Variants in ATRNL1 observed in about 807,000 individuals in gnomAD.
The protein encoded by ATRNL1 is attractin-like protein 1.
ATRNL1 carries 95 observed loss-of-function variants against 182.7 expected under a neutral mutation model. The observed-to-expected ratio is 0.52, with a 90% CI of 0.44 to 0.62. The LOEUF is 0.62. ATRNL1 is among the 20% of genes least tolerant of loss of function. ATRNL1 has a pLI of 0.00. For synonymous variants in ATRNL1, 576 were observed against 568.3 expected, an observed-to-expected ratio of 1.01 and a Z score of -0.19; for missense variants, 1,471 against 1,679.5, an observed-to-expected ratio of 0.88 and a Z score of 2.17.
chr10:115,215,721 A>C lies in ATRNL1; in HGVS notation c.1373A>C (p.Glu458Ala). Reference protein sequence around the residue: ...HISSNTWLVPETKGAIVQGGY... With the variant: ...HISSNTWLVPATKGAIVQGGY... Reference sequence around the variant, plus strand: ...GCATCAAACACTTGGCTTGTTCCAGAAACTAAAGGAGCTATTGTACAAGGT... The same window carrying C: ...GCATCAAACACTTGGCTTGTTCCAGCAACTAAAGGAGCTATTGTACAAGGT... The change falls in exon 9 of 29, where the codon GAA (glutamate) becomes GCA (alanine). Residue 458 changes from glutamate to alanine, a missense_variant. Glu to Ala is a moderately radical substitution (Grantham distance 107, BLOSUM62 -1). This residue lies in a region of ATRNL1 where 1,031 missense variants were observed against 1,156.0 expected (regional missense o/e 0.89). Coordinates refer to ENST00000355044, the MANE Select transcript of ATRNL1 (RefSeq NM_207303.4). 6.3e-7 allele frequency: 1 copy of C among 1,596,826 alleles called. No homozygotes were observed. Among genetic ancestry groups the C allele is most frequent in the Non-Finnish European group, 8.5e-7 (1 of 1,174,564 alleles).
intron 21 of ATRNL1, 89 bp downstream of exon 21, chr10:115,426,391 C>T (rs1299882099): frequency 1.1e-6 from 1 of 895,102 alleles, no homozygotes; most frequent in Admixed American, 2.5e-5. Flanking sequence ...CTAAAATTGT[C>T]ATGAATATCT....
At chr10:115,113,513 A>T (rs1844346661) in intron 1 of ATRNL1, among the ~76,000 whole-genome samples, 1 of 152,122 alleles carries the variant, frequency 6.6e-6, no homozygotes, top group Admixed American at 6.6e-5. Context: ...GAGATAATTG[A>T]ATCATGGGGC....
intron 8 of ATRNL1, among the ~76,000 whole-genome samples, chr10:115,191,009 GC>G (rs1554889736): frequency 6.6e-6 from 1 of 151,914 alleles, no homozygotes. Flanking sequence ...ACTTAACATT[GC>G]CCTTCAGTTT....
intron 4 of ATRNL1, among the ~76,000 whole-genome samples, chr10:115,128,206 G>A (rs192067367): frequency 4.3e-4 from 66 of 152,180 alleles, no homozygotes; most frequent in African/African-American, 1.5e-3. Context: ...TGACACATGA[G>A]GAAATTGTGG....
intron 26 of ATRNL1, among the ~76,000 whole-genome samples, chr10:115,584,870 C>T (rs1409967056): frequency 1.1e-3 from 161 of 150,862 alleles, no homozygotes; most frequent in African/African-American, 2.9e-3. Context: ...TTTCCTGCTT[C>T]CTCTTGTGGG....
chr10:115,101,404 T>A (rs1357407683), intron 1 of ATRNL1, among the ~76,000 whole-genome samples: 1 of 151,996 alleles, frequency 6.6e-6, no homozygotes, highest in Admixed American at 6.6e-5. Context: ...TTGCCAAGAG[T>A]TTTTACCAGT....
At chr10:115,266,664 A>T (rs1214933770) in intron 11 of ATRNL1, 133 bp from the exon 12 acceptor site, 1 of 455,058 alleles carries the variant, frequency 2.2e-6, no homozygotes, top group Non-Finnish European at 3.8e-6. Context: ...TATGATTTTA[A>T]AGAACAGTAC....
chr10:115,628,008 A>G (rs554573590), intron 26 of ATRNL1, among the ~76,000 whole-genome samples: 1 of 151,952 alleles, frequency 6.6e-6, no homozygotes. Flanking sequence ...TTAGCTGGGC[A>G]TGGTGGTGTG....
At chr10:115,346,879 T>C (rs1554939884) in intron 19 of ATRNL1, among the ~76,000 whole-genome samples, 1 of 152,180 alleles carries the variant, frequency 6.6e-6, no homozygotes, top group African/African-American at 2.4e-5. Context: ...TCAATTTTGA[T>C]AGTTTATCTA....
Position 115,549,491 on chromosome 10 carries a change from G to A in ATRNL1, c.3750G>A (p.Val1250=). The A allele has an allele frequency of 6.2e-7, 1 of 1,603,252 alleles. No individual in the cohort carries two copies. The highest frequency in any genetic ancestry group is 8.5e-7 in the Non-Finnish European group (1 of 1,174,204). Residue 1250 remains valine, a synonymous_variant, in exon 26 of 29, where the codon GTG becomes GTA. Coordinates refer to ENST00000355044, the MANE Select transcript of ATRNL1 (RefSeq NM_207303.4). ...TATCCTTATTGCTGGTGGCTGCTGT[G>A]GTATGGAAGATCAAACAAACTTGTT... ...CFLSLLLVAA[V]VWKIKQTCWA...
chr10:115,812,121 T>C (rs1322305214), intron 27 of ATRNL1, among the ~76,000 whole-genome samples: 1 of 152,128 alleles, frequency 6.6e-6, no homozygotes, highest in Non-Finnish European at 1.5e-5. Flanking sequence ...TGTGTTTGCA[T>C]GAAATTTCTC....
intron 27 of ATRNL1, among the ~76,000 whole-genome samples, chr10:115,780,367 T>C (rs1185747639): frequency 1.3e-5 from 2 of 152,152 alleles, no homozygotes; most frequent in African/African-American, 2.4e-5. Context: ...CTAAATAAAC[T>C]TGAAACACAG....
intron 26 of ATRNL1, among the ~76,000 whole-genome samples, chr10:115,659,855 G>C (rs1386790021): frequency 6.6e-6 from 1 of 152,114 alleles, no homozygotes; most frequent in Non-Finnish European, 1.5e-5. Context: ...GGAAGACATG[G>C]CATATTTGAG....
At position 115,166,036 on chromosome 10, in the gene ATRNL1, A is replaced by G. The variant is rs150263945; in HGVS notation, c.1092+391A>G. 5.8e-4 allele frequency among the ~76,000 whole-genome samples: 89 copies of G among 152,226 alleles called. No individual in the cohort carries two copies. The Middle Eastern group carries it at 0.01, about 17-fold the overall frequency. ...TCTTCAGAACATTTTTCATCGGGCA[A>G]AACTGAAGCAATAACTTCTCATTCC... On this transcript the variant is annotated intron_variant, in intron 7 of 28. Transcript: ENST00000355044.
intron 15 of ATRNL1, among the ~76,000 whole-genome samples, chr10:115,290,069 T>C (rs1041827031): frequency 9.0e-5 from 8 of 88,594 alleles, no homozygotes; most frequent in African/African-American, 3.8e-4. Flanking sequence ...ATCAGTGTTT[T>C]GTAGTTTTTT....
At chr10:115,556,767 C>T (rs1853338037) in intron 26 of ATRNL1, among the ~76,000 whole-genome samples, 1 of 151,192 alleles carries the variant, frequency 6.6e-6, no homozygotes, top group Admixed American at 6.6e-5. Flanking sequence ...ATATTACTAA[C>T]AACAACTCCT....
chr10:115,303,653 A>C lies in ATRNL1; in HGVS notation c.2818+1610A>C, dbSNP rs1204429618. ...CTTTTTCAGTTCCCTTCTTCTCAACATCTGAGTGTCCAGGAAGCTCACAAA... is the reference window on the plus strand; with the variant it reads ...CTTTTTCAGTTCCCTTCTTCTCAACCTCTGAGTGTCCAGGAAGCTCACAAA... On this transcript the variant is annotated intron_variant, in intron 17 of 28. Coordinates refer to ENST00000355044, the MANE Select transcript of ATRNL1 (RefSeq NM_207303.4). Among the ~76,000 whole-genome samples, 4 of 152,188 alleles carry C rather than the reference A, an allele frequency of 2.6e-5. No homozygotes were observed. In the East Asian group the frequency reaches 7.7e-4, roughly 29 times the overall value.
chr10:115,915,604 A>G (rs1464492631), intron 28 of ATRNL1, among the ~76,000 whole-genome samples: 3 of 152,166 alleles, frequency 2.0e-5, no homozygotes, highest in East Asian at 3.8e-4. Flanking sequence ...TAGAAAAATA[A>G]TATATCCATA....
chr10:115,470,701 C>A (rs189758973), intron 24 of ATRNL1, among the ~76,000 whole-genome samples: 8 of 150,366 alleles, frequency 5.3e-5, no homozygotes, highest in Admixed American at 2.7e-4. Flanking sequence ...TTTTTGAGAA[C>A]TTACTCTTTT....
Sources: gnomAD v4.1 joint callset for allele counts (sites outside exome capture counted in the v4.1 genomes callset) on GRCh38, gnomAD v4.1.1 for gene constraint, gnomAD v4.1.1 regional missense constraint, MANE v1.5 for transcripts, NCBI Gene and HGNC (gene_info 2026-07-23, HGNC 2026-07-21) for gene names.